Variants in ANKRD44 observed in about 807,000 individuals in gnomAD.
ANKRD44 encodes the protein serine/threonine-protein phosphatase 6 regulatory ankyrin repeat subunit B.
ANKRD44 carries 35 observed loss-of-function variants against 116.0 expected under a neutral mutation model. The ratio of observed to expected loss-of-function variants is 0.30; its 90% CI spans 0.23 to 0.40. The LOEUF is 0.40. ANKRD44 is among the 10% of genes least tolerant of loss of function. The pLI is 1.00. For missense variants in ANKRD44, 1,014 were observed against 1,242.6 expected (o/e 0.82, Z 2.77); for synonymous variants, 435 against 461.8 (o/e 0.94, Z 0.74).
At chr2:197,187,285 T>C (rs1168661453) in intron 1 of ANKRD44, among the ~76,000 whole-genome samples, 179 bp from the exon 2 acceptor site, 1 of 152,116 alleles carries the variant, frequency 6.6e-6, no homozygotes, top group Non-Finnish European at 1.5e-5. Flanking sequence ...GATATTTACA[T>C]AAAGAAATAA....
Position 197,070,420 on chromosome 2 carries a change from G to T in ANKRD44, c.1650+8283C>A, listed in dbSNP as rs544708449. ...TCTAATATTTCTAGGAGAGTTTTTT[G>T]TTGTTGTTGTTGTTGCTTGCTTGTT... On this transcript the variant is annotated intron_variant, in intron 16 of 27. Transcript: ENST00000282272. 5.9e-5 allele frequency among the ~76,000 whole-genome samples: 9 copies of T among 152,050 alleles called. No homozygotes were observed. In the East Asian group the frequency reaches 9.7e-4, roughly 16 times the overall value.
intron 2 of ANKRD44, among the ~76,000 whole-genome samples, chr2:197,175,966 C>G (rs1043466309): frequency 6.6e-6 from 1 of 152,124 alleles, no homozygotes; most frequent in Non-Finnish European, 1.5e-5. Flanking sequence ...AATGCAGTTC[C>G]GGACAATATA....
chr2:197,120,517 G>A (rs1389649864), intron 8 of ANKRD44, among the ~76,000 whole-genome samples: 1 of 152,116 alleles, frequency 6.6e-6, no homozygotes, highest in East Asian at 1.9e-4. Flanking sequence ...TGGGCATGGT[G>A]GTGCATGTCT....
rs1249058923 is a variant in ANKRD44 at position 196,996,428 on chromosome 2, A to G, written c.2749-967T>C. 1.5e-4 allele frequency among the ~76,000 whole-genome samples: 23 copies of G among 152,334 alleles called. No individual in the cohort carries two copies. In the East Asian group the frequency reaches 3.5e-3, roughly 23 times the overall value. ...TACTGGTACCATATAGGTAACACTG[A>G]TAATATTTTAACTACATTGAAATAA... On this transcript the variant is annotated intron_variant, in intron 25 of 27. Transcript: ENST00000282272.
Position 197,139,209 on chromosome 2 carries a change from G to A in ANKRD44, c.191-2547C>T, listed in dbSNP as rs139035610. 1.8e-3 allele frequency among the ~76,000 whole-genome samples: 268 copies of A among 152,224 alleles called. 4 individuals carry two copies. Among genetic ancestry groups the A allele is most frequent in the African/African-American group, 6.2e-3 (258 of 41,518 alleles). ...ATACCCTAGAGAAACTCTCACACAT[G>A]TACATGAAGGTGCACCGCAACATGT... On this transcript the variant is annotated intron_variant, in intron 3 of 27. Transcript: ENST00000282272.
At chr2:197,026,793 G>A (rs1305821320) in intron 16 of ANKRD44, among the ~76,000 whole-genome samples, 2 of 152,120 alleles carry the variant, frequency 1.3e-5, no homozygotes, top group Non-Finnish European at 2.9e-5. Context: ...AAATAACAGT[G>A]GCTTGGACCA....
intron 1 of ANKRD44, among the ~76,000 whole-genome samples, chr2:197,278,504 G>GC (rs1436550707): frequency 6.6e-6 from 1 of 151,522 alleles, no homozygotes; most frequent in Non-Finnish European, 1.5e-5. Flanking sequence ...CTACAGGCAC[G>GC]CACCACCACG....
chr2:197,162,919 C>T (rs531653077), intron 2 of ANKRD44, among the ~76,000 whole-genome samples: 2 of 152,204 alleles, frequency 1.3e-5, no homozygotes, highest in African/African-American at 4.8e-5. Context: ...AAAGCCTATG[C>T]CACAATAAGA....
chr2:197,144,725 C>A (rs905398230), intron 3 of ANKRD44, among the ~76,000 whole-genome samples: 1 of 152,196 alleles, frequency 6.6e-6, no homozygotes, highest in African/African-American at 2.4e-5. Context: ...CAGCTTCTCC[C>A]AGCTCTACTA....
chr2:197,116,763 A>G (rs866014063), intron 8 of ANKRD44, among the ~76,000 whole-genome samples: 2 of 152,152 alleles, frequency 1.3e-5, no homozygotes, highest in African/African-American at 4.8e-5. Flanking sequence ...GAAGCAATCT[A>G]CATTTTTTCT....
intron 1 of ANKRD44, among the ~76,000 whole-genome samples, chr2:197,191,725 T>C (rs1056290334): frequency 2.6e-5 from 4 of 152,198 alleles, no homozygotes; most frequent in Non-Finnish European, 4.4e-5. Flanking sequence ...AAAAATCCAC[T>C]TCATTAAAAA....
intron 16 of ANKRD44, among the ~76,000 whole-genome samples, chr2:197,035,971 T>A (rs969391028): frequency 1.3e-5 from 2 of 152,088 alleles, no homozygotes; most frequent in Non-Finnish European, 2.9e-5. Flanking sequence ...TCTTTCTGCA[T>A]ATCCACAAAG....
intron 1 of ANKRD44, among the ~76,000 whole-genome samples, chr2:197,207,398 G>A (rs1424715102): frequency 6.6e-6 from 1 of 152,188 alleles, no homozygotes; most frequent in African/African-American, 2.4e-5. Context: ...TTAAACAGCT[G>A]TGCCTGCGGA....
intron 1 of ANKRD44, among the ~76,000 whole-genome samples, chr2:197,239,387 A>G (rs1574337898): frequency 6.6e-6 from 1 of 152,246 alleles, no homozygotes; most frequent in Non-Finnish European, 1.5e-5. Flanking sequence ...ATGAGCCACC[A>G]TGCCCAGCTA....
At chr2:197,243,810 C>T (rs2082136254) in intron 1 of ANKRD44, among the ~76,000 whole-genome samples, 1 of 152,168 alleles carries the variant, frequency 6.6e-6, no homozygotes, top group East Asian at 1.9e-4. Context: ...ATGACCTAAT[C>T]ACTCCCAAAG....
Position 197,125,875 on chromosome 2 carries a change from T to C in ANKRD44, c.424A>G (p.Thr142Ala), listed in dbSNP as rs751379716. 1.9e-6 allele frequency: 3 copies of C among 1,614,192 alleles called. No individual in the cohort carries two copies. The highest frequency in any genetic ancestry group is 2.5e-6 in the Non-Finnish European group (3 of 1,180,050). The change falls in exon 5 of 28, where the codon ACA (threonine) becomes GCA (alanine). Residue 142 changes from threonine to alanine, a missense_variant. Coordinates refer to ENST00000282272, the MANE Select transcript of ANKRD44 (RefSeq NM_001195144.2). ...TTCAGAGCCGCATGGTGCAAGGCTG[T>C]GCGCCCCCCTCGGTCGGAGACATTG... The part of the protein sequence containing the change: ...SVNVSDRGGR[T>A]ALHHAALNGH...
rs60644651 is a variant in ANKRD44, at chr2:197,078,268, C to G, written c.1650+435G>C. 1,487 of 162,932 alleles carry G rather than the reference C, an allele frequency of 9.1e-3. 30 individuals carry two copies. Among genetic ancestry groups the G allele is most frequent in the African/African-American group, 0.034 (1,393 of 41,062 alleles). 10.1% of individuals were successfully genotyped at this position (162,932 alleles called of 1,614,324 possible). ...CATAATATGTAGTGACAGTAGAAAG[C>G]CTTCACTCTGCCACTGATTACCACA... On this transcript the variant is annotated intron_variant, in intron 16 of 27. Coordinates refer to ENST00000282272, the MANE Select transcript of ANKRD44 (RefSeq NM_001195144.2).
At chr2:197,067,036 C>T (rs2077449123) in intron 16 of ANKRD44, among the ~76,000 whole-genome samples, 1 of 152,120 alleles carries the variant, frequency 6.6e-6, no homozygotes, top group African/African-American at 2.4e-5. Flanking sequence ...TCAAACTATA[C>T]TACAAGGCTA....
At chr2:197,237,777 G>A (rs910989070) in intron 1 of ANKRD44, among the ~76,000 whole-genome samples, 1 of 152,172 alleles carries the variant, frequency 6.6e-6, no homozygotes, top group African/African-American at 2.4e-5. Context: ...AAATAATTTT[G>A]TCATGAAAGG....
Sources: gnomAD v4.1 joint callset for allele counts (sites outside exome capture counted in the v4.1 genomes callset) on GRCh38, gnomAD v4.1.1 for gene constraint, MANE v1.5 for transcripts, NCBI Gene and HGNC (gene_info 2026-07-23, HGNC 2026-07-21) for gene names.